STIM1: variants seen among roughly 807,000 people sequenced by gnomAD.
STIM1 encodes the protein stromal interaction molecule 1.
A neutral mutation model predicts 74.7 loss-of-function variants in STIM1; 25 were observed. That is an observed-to-expected ratio of 0.33 (90% confidence interval 0.24 to 0.47). The LOEUF is 0.47. Among genes scored for constraint, STIM1 ranks in the 20% least tolerant of loss-of-function variants. The pLI, the probability that STIM1 is intolerant of heterozygous loss-of-function variation, is 1.00. For synonymous variants in STIM1, 328 were observed against 348.8 expected (o/e 0.94, Z 0.66); for missense variants, 728 against 920.8 (o/e 0.79, Z 2.71).
chr11:4,026,888 G>A (rs895964251), intron 3 of STIM1, among the ~76,000 whole-genome samples: 1 of 152,134 alleles, frequency 6.6e-6, no homozygotes, highest in African/African-American at 2.4e-5. Context: ...TTTTCTTAGG[G>A]TTTCATTACA....
chr11:3,908,797 C>T (rs989381891), intron 1 of STIM1, among the ~76,000 whole-genome samples: 5 of 152,030 alleles, frequency 3.3e-5, no homozygotes, highest in Non-Finnish European at 4.4e-5. Context: ...AGAAGAAAGC[C>T]GAAGTCTGAA....
intron 2 of STIM1, among the ~76,000 whole-genome samples, chr11:3,994,100 C>G (rs370870272): frequency 1.3e-5 from 2 of 152,096 alleles, no homozygotes; most frequent in East Asian, 3.9e-4. Context: ...CTGGAAATGT[C>G]TTTATTTTCA....
At chr11:4,025,794 G>A (rs1377515701) in intron 3 of STIM1, among the ~76,000 whole-genome samples, 1 of 152,118 alleles carries the variant, frequency 6.6e-6, no homozygotes, top group Non-Finnish European at 1.5e-5. Flanking sequence ...GCAACTATTT[G>A]GAACACTTCC....
chr11:3,965,810 G>A (rs1319101528), intron 1 of STIM1, among the ~76,000 whole-genome samples: 2 of 152,078 alleles, frequency 1.3e-5, no homozygotes, highest in African/African-American at 4.8e-5. Flanking sequence ...CTTCGAGACT[G>A]GCCTGGCCAA....
intron 2 of STIM1, among the ~76,000 whole-genome samples, chr11:4,013,011 A>T (rs567016810): frequency 1.3e-5 from 2 of 152,300 alleles, no homozygotes; most frequent in East Asian, 1.9e-4. Flanking sequence ...GGTTCTGTTT[A>T]TGTGATGGAT....
Position 4,024,790 on chromosome 11 carries a change from A to AT in STIM1, c.385+813dup, listed in dbSNP as rs369691807. Among the ~76,000 whole-genome samples, 85 of 148,380 alleles carry AT rather than the reference A, an allele frequency of 5.7e-4. 1 individual carries two copies. The highest frequency in any genetic ancestry group is 1.7e-3 in the African/African-American group (69 of 40,792). ...GTAAAACTGCTAAACCATGATTACC[A>AT]TTTTTTTTTTCTGGAGCATTTCCTT... On this transcript the variant is annotated intron_variant, in intron 3 of 12. Coordinates refer to ENST00000526596, the MANE Select transcript of STIM1 (RefSeq NM_001382567.1).
At chr11:4,064,676 TGGGAAGA>T (rs964271800) in intron 5 of STIM1, among the ~76,000 whole-genome samples, 5 of 152,090 alleles carry the variant, frequency 3.3e-5, no homozygotes, top group Admixed American at 6.5e-5. Context: ...CCTCAGAACT[TGGGAAGA>T]GGGAAGAGGG....
chr11:4,014,898 G>A (rs1000116166), intron 2 of STIM1, among the ~76,000 whole-genome samples: 2 of 152,120 alleles, frequency 1.3e-5, no homozygotes, highest in African/African-American at 4.8e-5. Context: ...CTTTCCATTA[G>A]CTTGGTGGAT....
intron 2 of STIM1, among the ~76,000 whole-genome samples, chr11:3,978,226 G>A (rs552711181): frequency 8.5e-4 from 127 of 149,236 alleles, no homozygotes; most frequent in African/African-American, 2.9e-3. Context: ...TCGGCTTACC[G>A]CAACCTCCGC....
rs77829289 is a variant in STIM1 at position 3,953,799 on chromosome 11, T to C, written c.140-13753T>C. Among the ~76,000 whole-genome samples, 12 of 150,950 alleles carry C rather than the reference T, an allele frequency of 7.9e-5. No individual in the cohort carries two copies. In the East Asian group the frequency reaches 9.7e-4, roughly 12 times the overall value. Reference sequence around the variant, plus strand: ...CTTCTTCTTTCTTTTTTTTTTTTTTTTGAGACAGGGTCTTGCTCTGTTGCT... The same window carrying C: ...CTTCTTCTTTCTTTTTTTTTTTTTTCTGAGACAGGGTCTTGCTCTGTTGCT... On this transcript the variant is annotated intron_variant, in intron 1 of 12. Coordinates refer to ENST00000526596, the MANE Select transcript of STIM1 (RefSeq NM_001382567.1).
chr11:4,022,342 A>C (rs2093963375), intron 2 of STIM1, among the ~76,000 whole-genome samples: 1 of 150,758 alleles, frequency 6.6e-6, no homozygotes, highest in Non-Finnish European at 1.5e-5. Flanking sequence ...TCTCAAAAAA[A>C]AAAAAAAAAA....
intron 2 of STIM1, among the ~76,000 whole-genome samples, chr11:4,014,522 G>A (rs748067118): frequency 1.3e-5 from 2 of 152,152 alleles, no homozygotes; most frequent in African/African-American, 4.8e-5. Context: ...AGAATGTATA[G>A]TCTGTTGATT....
At chr11:3,919,275 G>A (rs1402664197) in intron 1 of STIM1, among the ~76,000 whole-genome samples, 1 of 152,124 alleles carries the variant, frequency 6.6e-6, no homozygotes, top group Non-Finnish European at 1.5e-5. Context: ...GTGCGATCTC[G>A]GCTTACTGCA....
intron 1 of STIM1, among the ~76,000 whole-genome samples, chr11:3,895,686 CTTT>C (rs1565104945): frequency 0.011 from 393 of 34,762 alleles, 27 homozygotes; most frequent in Non-Finnish European, 0.014. Flanking sequence ...TTCCTTCCTT[CTTT>C]CTTTCTTTCT....
chr11:3,997,313 C>A (rs2093671721), intron 2 of STIM1, among the ~76,000 whole-genome samples: 1 of 152,118 alleles, frequency 6.6e-6, no homozygotes, highest in African/African-American at 2.4e-5. Flanking sequence ...TGAAGAAGTT[C>A]CCCTAGTGGT....
intron 1 of STIM1, among the ~76,000 whole-genome samples, chr11:3,902,276 C>T (rs980552395): frequency 2.0e-5 from 3 of 152,036 alleles, no homozygotes; most frequent in African/African-American, 7.3e-5. Flanking sequence ...TTAACTAATC[C>T]CTAAAACTCT....
intron 2 of STIM1, among the ~76,000 whole-genome samples, chr11:4,003,772 C>T (rs1246953783): frequency 3.9e-5 from 6 of 152,086 alleles, no homozygotes; most frequent in East Asian, 1.9e-4. Flanking sequence ...AAAGGGTATT[C>T]GATTAGGAAA....
chr11:4,023,409 A>G (rs1426125837), intron 2 of STIM1, among the ~76,000 whole-genome samples: 1 of 152,204 alleles, frequency 6.6e-6, no homozygotes, highest in African/African-American at 2.4e-5. Flanking sequence ...ATTTGGGGCA[A>G]ATGGCATTAT....
At chr11:3,990,924 T>C (rs2093604384) in intron 2 of STIM1, among the ~76,000 whole-genome samples, 1 of 152,176 alleles carries the variant, frequency 6.6e-6, no homozygotes, top group Non-Finnish European at 1.5e-5. Flanking sequence ...ATAGTGACCG[T>C]AGCATCCAAT....
Sources: allele counts gnomAD v4.1 joint callset (sites outside exome capture counted in the v4.1 genomes callset), GRCh38; gene constraint gnomAD v4.1.1; transcripts MANE v1.5; gene names NCBI Gene and HGNC (gene_info 2026-07-23, HGNC 2026-07-21).